Variants in XYLT1 observed in about 807,000 individuals in gnomAD.
XYLT1 encodes xylosyltransferase 1.
In XYLT1, 36 loss-of-function variants were observed where a neutral mutation model predicts 91.3. The observed-to-expected ratio is 0.39, with a 90% CI of 0.30 to 0.52. The LOEUF (loss-of-function observed/expected upper bound fraction) is 0.52. Among genes scored for constraint, XYLT1 ranks in the 20% least tolerant of loss-of-function variants. The pLI, the probability that XYLT1 is intolerant of heterozygous loss-of-function variation, is 0.68. For missense variants in XYLT1, 1,242 were observed against 1,284.5 expected, an observed-to-expected ratio of 0.97 and a Z score of 0.51; for synonymous variants, 588 against 532.0, an observed-to-expected ratio of 1.11 and a Z score of -1.45.
At chr16:17,307,535 G>C (rs543076320) in intron 2 of XYLT1, among the ~76,000 whole-genome samples, 61 of 152,326 alleles carry the variant, frequency 4.0e-4, no homozygotes, top group African/African-American at 1.3e-3. Context: ...ATCTGAAAGA[G>C]AGTTTTTATG....
chr16:17,298,970 T>C (rs1319273497), intron 2 of XYLT1, among the ~76,000 whole-genome samples: 1 of 152,116 alleles, frequency 6.6e-6, no homozygotes, highest in African/African-American at 2.4e-5. Context: ...TAATCTACAA[T>C]GTCTATTATT....
chr16:17,426,340 A>G (rs1054798112), intron 1 of XYLT1, among the ~76,000 whole-genome samples: 13 of 152,296 alleles, frequency 8.5e-5, no homozygotes, highest in African/African-American at 3.1e-4. Context: ...CAGATGGATC[A>G]CCTGAGGTCA....
Position 17,470,608 on chromosome 16 carries a change from CGGGG to C in XYLT1, c.185_188del (p.Ala62GlyfsTer131), listed in dbSNP as rs1268844809. 1 of 1,122,898 alleles carries C rather than the reference CGGGG, an allele frequency of 8.9e-7. No individual in the cohort carries two copies. Among genetic ancestry groups the C allele is most frequent in the Non-Finnish European group, 1.1e-6 (1 of 920,432 alleles). 69.6% of individuals were successfully genotyped at this position (1,122,898 alleles called of 1,614,324 possible). On this transcript the variant is annotated frameshift_variant, in exon 1 of 12. Transcript: ENST00000261381. LOFTEE classifies it high-confidence loss of function. The stretch of plus-strand genomic sequence containing the variant: ...CGGGCAGGTCCCGGCGCTCCCGGCG[CGGGG>C]CCGGGGCCGGGGGCGGCTGCTCCCC...
chr16:17,198,317 G>T lies in XYLT1; in HGVS notation c.1184C>A (p.Ala395Asp), dbSNP rs1399020371. The stretch of plus-strand genomic sequence containing the variant: ...CTGCAGGTAGGTGGACAGGAGGCTG[G>T]CTCCTCCCCAGATGGTGGCCATTCT... Reference protein sequence around the residue: ...PWRMATIWGGASLLSTYLQSM... With the variant: ...PWRMATIWGGDSLLSTYLQSM... Residue 395 changes from alanine (A) to aspartate (D), a missense_variant, in exon 5 of 12, where the codon GCC (alanine) becomes GAC (aspartate). Transcript: ENST00000261381. 1 of 1,614,182 alleles carries T rather than the reference G, an allele frequency of 6.2e-7. No individual in the cohort carries two copies. The highest frequency in any genetic ancestry group is 8.5e-7 in the Non-Finnish European group (1 of 1,180,014).
intron 1 of XYLT1, among the ~76,000 whole-genome samples, chr16:17,467,501 T>C (rs1596562707): frequency 6.6e-6 from 1 of 152,216 alleles, no homozygotes; most frequent in East Asian, 1.9e-4. Context: ...ACAGCTGCAA[T>C]CCACCCAATA....
chr16:17,205,712 C>G (rs955081443), intron 3 of XYLT1, among the ~76,000 whole-genome samples: 1 of 152,190 alleles, frequency 6.6e-6, no homozygotes, highest in South Asian at 2.1e-4. Flanking sequence ...GCTGTGTGTA[C>G]TCTAGAGCCT....
intron 1 of XYLT1, among the ~76,000 whole-genome samples, chr16:17,419,305 G>T (rs544857793): frequency 1.3e-5 from 2 of 152,008 alleles, no homozygotes. Flanking sequence ...TGGTACCACT[G>T]CGCTCCAGCC....
chr16:17,229,111 C>A (rs1194863801), intron 3 of XYLT1, among the ~76,000 whole-genome samples: 1 of 152,118 alleles, frequency 6.6e-6, no homozygotes, highest in Non-Finnish European at 1.5e-5. Flanking sequence ...CTGGGATTAC[C>A]AATGAGTGCC....
chr16:17,291,246 C>A (rs1355611633), intron 2 of XYLT1, among the ~76,000 whole-genome samples: 1 of 152,226 alleles, frequency 6.6e-6, no homozygotes, highest in Non-Finnish European at 1.5e-5. Context: ...CCCAAGCGAT[C>A]TTCCTGCTTT....
At chr16:17,320,544 A>T (rs1039033210) in intron 2 of XYLT1, among the ~76,000 whole-genome samples, 1 of 146,132 alleles carries the variant, frequency 6.8e-6, no homozygotes, top group Non-Finnish European at 1.5e-5. Flanking sequence ...CAGTGGTGCG[A>T]TATCGGCTCA....
chr16:17,243,239 T>G (rs904195911), intron 3 of XYLT1, among the ~76,000 whole-genome samples: 2 of 152,228 alleles, frequency 1.3e-5, no homozygotes, highest in Non-Finnish European at 2.9e-5. Context: ...GTGAGAACTA[T>G]TAAGACTATC....
chr16:17,470,313 TG>T, intron 1 of XYLT1, 120 bp downstream of exon 1: 1 of 1,143,636 alleles, frequency 8.7e-7, no homozygotes. Context: ...AGAGGCGATG[TG>T]GAGTCGGTAG....
rs759198989 is a variant in XYLT1, at chr16:17,127,726, C to T, written c.2163G>A (p.Pro721=). ...KLETLETWVM[P]KKVFKIASPP... The stretch of plus-strand genomic sequence containing the variant: ...GGCTTGCGATCTTGAAGACTTTTTT[C>T]GGCATCACCCAGGTCTCCAGAGTCT... The change falls in exon 10 of 12, where the codon CCG becomes CCA. Residue 721 remains proline, a synonymous_variant. Coordinates refer to ENST00000261381, the MANE Select transcript of XYLT1 (RefSeq NM_022166.4). The T allele has an allele frequency of 4.4e-5, 71 of 1,613,982 alleles. No individual in the cohort carries two copies. Among genetic ancestry groups the T allele is most frequent in the South Asian group, 2.2e-4 (20 of 91,078 alleles).
chr16:17,428,156 G>A (rs2036342024), intron 1 of XYLT1, among the ~76,000 whole-genome samples: 1 of 152,104 alleles, frequency 6.6e-6, no homozygotes. Flanking sequence ...GCTAGTTTTT[G>A]TATTTTTACT....
At chr16:17,464,818 T>C (rs999780303) in intron 1 of XYLT1, among the ~76,000 whole-genome samples, 1 of 152,084 alleles carries the variant, frequency 6.6e-6, no homozygotes, top group Non-Finnish European at 1.5e-5. Context: ...GGTAACTTTT[T>C]AGGAATCTGC....
chr16:17,152,393 A>G (rs1359551321), intron 6 of XYLT1, among the ~76,000 whole-genome samples: 1 of 152,232 alleles, frequency 6.6e-6, no homozygotes, highest in Non-Finnish European at 1.5e-5. Flanking sequence ...TCATGAACGC[A>G]TCGGTTGGGT....
intron 1 of XYLT1, among the ~76,000 whole-genome samples, chr16:17,444,737 A>G (rs1223895364): frequency 6.6e-6 from 1 of 152,178 alleles, no homozygotes; most frequent in African/African-American, 2.4e-5. Flanking sequence ...GGAAGGAATG[A>G]ATGGATGAAG....
At chr16:17,293,395 C>T (rs564092735) in intron 2 of XYLT1, among the ~76,000 whole-genome samples, 4 of 152,026 alleles carry the variant, frequency 2.6e-5, no homozygotes, top group Non-Finnish European at 4.4e-5. Context: ...GACAGTGGTA[C>T]CAATTAAATA....
Position 17,155,352 on chromosome 16 carries a change from T to G in XYLT1, c.1370+3477A>C, listed in dbSNP as rs1041289943. 2.7e-5 allele frequency among the ~76,000 whole-genome samples: 4 copies of G among 150,764 alleles called. No homozygotes were observed. The East Asian group carries it at 7.9e-4, about 30-fold the overall frequency. ...AGAAAAACAGAACTAATAGAGAGTC[T>G]GGGCCTGATGATATAATTTGCACAG... On this transcript the variant is annotated intron_variant, in intron 6 of 11. Transcript: ENST00000261381.
Sources: allele counts gnomAD v4.1 joint callset (sites outside exome capture counted in the v4.1 genomes callset), GRCh38; gene constraint gnomAD v4.1.1; transcripts MANE v1.5; gene names NCBI Gene and HGNC (gene_info 2026-07-23, HGNC 2026-07-21).